The following C1QTNF2 variants were observed in gnomAD, a reference collection of about 807,000 sequenced individuals.
C1QTNF2 encodes C1q and TNF related 2.
In C1QTNF2, 15 loss-of-function variants were observed where a neutral mutation model predicts 17.4. That is an observed-to-expected ratio of 0.86 (90% CI 0.58 to 1.33). The LOEUF (loss-of-function observed/expected upper bound fraction) is 1.33, where lower values mean the gene tolerates loss of function less well. Among genes scored for constraint, C1QTNF2 ranks in the 40% most tolerant of loss-of-function variants. The pLI is 0.00. For missense variants in C1QTNF2, 381 were observed against 392.3 expected (o/e 0.97, Z 0.24); for synonymous variants, 154 against 163.3 (o/e 0.94, Z 0.44).
At chr5:160,359,017 C>T (rs1485908058) in intron 1 of C1QTNF2, among the ~76,000 whole-genome samples, 2 of 152,128 alleles carry the variant, frequency 1.3e-5, no homozygotes, top group Non-Finnish European at 2.9e-5. Flanking sequence ...GTCCAGCGAT[C>T]TACCCGTTTC....
intron 1 of C1QTNF2, among the ~76,000 whole-genome samples, chr5:160,367,056 C>T (rs977063537): frequency 3.3e-5 from 5 of 149,590 alleles, no homozygotes; most frequent in African/African-American, 9.8e-5. Flanking sequence ...GAATAAACAA[C>T]GTGCAGAGAC....
intron 1 of C1QTNF2, among the ~76,000 whole-genome samples, chr5:160,360,827 G>A (rs1419886087): frequency 2.7e-5 from 4 of 145,596 alleles, no homozygotes; most frequent in Admixed American, 1.4e-4. Flanking sequence ...ATGGAGTCTC[G>A]CTCTGCTGCC....
chr5:160,350,695 T>G (rs1388838760), intron 2 of C1QTNF2, among the ~76,000 whole-genome samples: 1 of 152,088 alleles, frequency 6.6e-6, no homozygotes, highest in African/African-American at 2.4e-5. Context: ...GAGTAAGACC[T>G]TGTCTCTAAA....
chr5:160,348,472 G>A lies in C1QTNF2; in HGVS notation c.*696C>T, dbSNP rs566331782. 1 of 152,380 alleles carries A rather than the reference G, an allele frequency of 6.6e-6. No individual in the cohort carries two copies. Among genetic ancestry groups the A allele is most frequent in the East Asian group, 1.9e-4 (1 of 5,188 alleles). The allele number at this position is 152,380 out of a possible 1,614,324, so 9.4% of individuals were successfully genotyped here. A position where few individuals can be genotyped will look rare whatever the true frequency, so the allele number is the denominator to read the frequency against. ...TCCTGTCAAGGTCTTTGCACTTGCA[G>A]AGCCTTTTGCTGGAGACCTCTTTTC... On this transcript the variant is annotated 3_prime_UTR_variant, in exon 3 of 3. Coordinates refer to ENST00000652664, the MANE Select transcript of C1QTNF2 (RefSeq NM_031908.6).
rs568074554 is a variant in C1QTNF2, at chr5:160,349,490, T to C, written c.536A>G (p.His179Arg). 46 of 1,613,958 alleles carry C rather than the reference T, an allele frequency of 2.9e-5. No homozygotes were observed. In the East Asian group the frequency reaches 9.8e-4, roughly 34 times the overall value. The change falls in exon 3 of 3, where the codon CAC becomes CGC. Residue 179 changes from histidine to arginine, a missense_variant. His to Arg is a conservative substitution (Grantham distance 29, BLOSUM62 0). Coordinates refer to ENST00000652664, the MANE Select transcript of C1QTNF2 (RefSeq NM_031908.6). This position sits in a 1 kb window ranked among gnomAD's most constrained non-coding sequence, Gnocchi z 4.3. ...GAACTTGCCGCTGGAAGCATTGTAG[T>C]GGCCACCCTCGTTCATCAGAATCTT... Reference protein sequence around the residue: ...FDKILMNEGGHYNASSGKFVC... With the variant: ...FDKILMNEGGRYNASSGKFVC...
chr5:160,358,881 A>G (rs1253274177), intron 1 of C1QTNF2, among the ~76,000 whole-genome samples: 1 of 151,988 alleles, frequency 6.6e-6, no homozygotes, highest in Non-Finnish European at 1.5e-5. Context: ...CTCGGACTCA[A>G]GTGTTTCTCC....
chr5:160,357,817 G>T, intron 1 of C1QTNF2, among the ~76,000 whole-genome samples: 1 of 151,336 alleles, frequency 6.6e-6, no homozygotes, highest in Non-Finnish European at 1.5e-5. Context: ...CCGGACGAGA[G>T]AGAGGGAGAG....
chr5:160,364,639 A>C (rs1039117460), intron 1 of C1QTNF2, among the ~76,000 whole-genome samples: 1 of 151,950 alleles, frequency 6.6e-6, no homozygotes, highest in Non-Finnish European at 1.5e-5. Flanking sequence ...TCAGGTAGAG[A>C]CTCCTGTAGC....
At position 160,349,474 on chromosome 5, in the gene C1QTNF2, G is replaced by T. The variant is rs145908967; in HGVS notation, c.552C>A (p.Ser184Arg). The change falls in exon 3 of 3, where the codon AGC becomes AGA. Residue 184 changes from serine to arginine, a missense_variant. Transcript: ENST00000652664. The surrounding 1 kb of genome is among the most constrained non-coding windows in gnomAD (Gnocchi z 4.3). Reference sequence around the variant, plus strand: ...CAGGCACGCCGCAGACGAACTTGCCGCTGGAAGCATTGTAGTGGCCACCCT... The same window carrying T: ...CAGGCACGCCGCAGACGAACTTGCCTCTGGAAGCATTGTAGTGGCCACCCT... ...MNEGGHYNAS[S>R]GKFVCGVPGI... is the part of the protein sequence containing the mutation. 3 of 1,614,050 alleles carry T rather than the reference G, an allele frequency of 1.9e-6. No homozygotes were observed. Among genetic ancestry groups the T allele is most frequent in the South Asian group, 2.2e-5 (2 of 91,082 alleles).
At position 160,349,012 on chromosome 5, in the gene C1QTNF2, G is replaced by T; in HGVS notation, c.*156C>A. On this transcript the variant is annotated 3_prime_UTR_variant, in exon 3 of 3. Coordinates refer to ENST00000652664, the MANE Select transcript of C1QTNF2 (RefSeq NM_031908.6). This position sits in a 1 kb window ranked among gnomAD's most constrained non-coding sequence, Gnocchi z 4.3. Reference sequence around the variant, plus strand: ...GATGGTTGGATGAATAAAAAGGTTTGGATTTAATGAAGGGGAAAAAAAGAG... The same window carrying T: ...GATGGTTGGATGAATAAAAAGGTTTTGATTTAATGAAGGGGAAAAAAAGAG... The T allele has an allele frequency of 5.9e-6, 5 of 850,470 alleles. No individual in the cohort carries two copies. The highest frequency in any genetic ancestry group is 9.0e-6 in the Non-Finnish European group (5 of 558,274). The allele number at this position is 850,470 out of a possible 1,614,324, so 52.7% of individuals were successfully genotyped here.
chr5:160,358,744 C>T (rs1486017935), intron 1 of C1QTNF2, among the ~76,000 whole-genome samples: 10 of 152,060 alleles, frequency 6.6e-5, no homozygotes, highest in Non-Finnish European at 1.0e-4. Flanking sequence ...GCAAACTGAC[C>T]TTATTACGCA....
intron 1 of C1QTNF2, among the ~76,000 whole-genome samples, chr5:160,364,914 T>C (rs913382885): frequency 6.6e-6 from 1 of 152,214 alleles, no homozygotes; most frequent in Admixed American, 6.5e-5. Flanking sequence ...CATGTGTGCA[T>C]GATACTGTAG....
chr5:160,369,299 T>G (rs1334418198), intron 1 of C1QTNF2, among the ~76,000 whole-genome samples: 1 of 152,074 alleles, frequency 6.6e-6, no homozygotes, highest in Non-Finnish European at 1.5e-5. Flanking sequence ...ATTGGAAGAC[T>G]GGTAAGTGTG....
chr5:160,369,619 T>G (rs1764311857), intron 1 of C1QTNF2, among the ~76,000 whole-genome samples: 1 of 152,162 alleles, frequency 6.6e-6, no homozygotes, highest in Non-Finnish European at 1.5e-5. Context: ...TTCAGCATGG[T>G]GGAAACACAG....
chr5:160,365,802 C>A (rs1239522681), intron 1 of C1QTNF2, among the ~76,000 whole-genome samples: 1 of 152,108 alleles, frequency 6.6e-6, no homozygotes. Context: ...CTGAAATAAC[C>A]CCAATTTTCC....
In C1QTNF2 at chr5:160,354,931, G is replaced by A. The variant is rs966868852; in HGVS notation, c.81C>T (p.Phe27=). 1.3e-6 allele frequency: 2 copies of A among 1,598,952 alleles called. No individual in the cohort carries two copies. Among genetic ancestry groups the A allele is most frequent in the Non-Finnish European group, 1.7e-6 (2 of 1,173,240 alleles). ...PLLGAFARRD[F]RKGSPQLVCS... ...AGACCAGTTGAGGGGAGCCTTTCCGGAAGTCCCTGCGAGCAAAGGCGCCAA... is the reference window on the plus strand; with the variant it reads ...AGACCAGTTGAGGGGAGCCTTTCCGAAAGTCCCTGCGAGCAAAGGCGCCAA... Residue 27 remains phenylalanine, a synonymous_variant, in exon 2 of 3, where the codon TTC becomes TTT. Transcript: ENST00000652664.
rs1027314737 is a variant in C1QTNF2, at chr5:160,354,629, T to G, written c.244+139A>C. 6 of 336,166 alleles carry G rather than the reference T, an allele frequency of 1.8e-5. 1 individual carries two copies. The highest frequency in any genetic ancestry group is 1.3e-4 in the African/African-American group (5 of 39,328). 20.8% of individuals were successfully genotyped at this position (336,166 alleles called of 1,614,324 possible). ...ATATATATATATATATATATATATA[T>G]ATATAGATTTATAAGTAAATAGTAA... On this transcript the variant is annotated intron_variant, in intron 2 of 2. Coordinates refer to ENST00000652664, the MANE Select transcript of C1QTNF2 (RefSeq NM_031908.6).
At chr5:160,365,665 G>C (rs1287960460) in intron 1 of C1QTNF2, among the ~76,000 whole-genome samples, 1 of 152,194 alleles carries the variant, frequency 6.6e-6, no homozygotes, top group African/African-American at 2.4e-5. Context: ...TTTTCCAGCT[G>C]TTTGACCTTG....
intron 1 of C1QTNF2, among the ~76,000 whole-genome samples, chr5:160,355,636 C>A (rs971325605): frequency 6.6e-6 from 1 of 152,168 alleles, no homozygotes; most frequent in African/African-American, 2.4e-5. Context: ...TCACAATACC[C>A]TTATAGAATA....
Sources: gnomAD v4.1 joint callset for allele counts (sites outside exome capture counted in the v4.1 genomes callset) on GRCh38, gnomAD v4.1.1 for gene constraint, Gnocchi (gnomAD v3.1) non-coding constraint, MANE v1.5 for transcripts, NCBI Gene and HGNC (gene_info 2026-07-23, HGNC 2026-07-21) for gene names.